Variants in PALM2AKAP2 observed in about 807,000 individuals in gnomAD.
The protein encoded by PALM2AKAP2 is PALM2 and AKAP2 fusion.
Under a neutral mutation model 71.5 loss-of-function variants are expected in PALM2AKAP2, and 37 were observed. The ratio of observed to expected loss-of-function variants is 0.52; its 90% confidence interval spans 0.40 to 0.68. PALM2AKAP2 has a LOEUF of 0.68. Among genes scored for constraint, PALM2AKAP2 ranks in the 30% least tolerant of loss-of-function variants. The probability of loss-of-function intolerance (pLI) is 0.00; values close to 1 mark genes in which losing one functional copy is unlikely to be tolerated. For missense variants in PALM2AKAP2, 1,224 were observed against 1,191.8 expected, an observed-to-expected ratio of 1.03 and a Z score of -0.40; for synonymous variants, 468 against 478.8, an observed-to-expected ratio of 0.98 and a Z score of 0.29.
intron 1 of PALM2AKAP2, among the ~76,000 whole-genome samples, chr9:109,849,600 A>G (rs1828954681): frequency 6.6e-6 from 1 of 152,054 alleles, no homozygotes; most frequent in African/African-American, 2.4e-5. Flanking sequence ...AAAAGAAAAT[A>G]CAAAAATTAG....
At chr9:110,033,455 A>G (rs1231792899) in intron 7 of PALM2AKAP2, among the ~76,000 whole-genome samples, 1 of 152,062 alleles carries the variant, frequency 6.6e-6, no homozygotes, top group Non-Finnish European at 1.5e-5. Flanking sequence ...ACTGTGGGCT[A>G]GGCACTGTGT....
At chr9:110,013,442 G>T (rs1016392671) in intron 6 of PALM2AKAP2, among the ~76,000 whole-genome samples, 2 of 152,228 alleles carry the variant, frequency 1.3e-5, no homozygotes, top group East Asian at 3.8e-4. Context: ...GCTTAAAGCA[G>T]GAGGGGTTAT....
intron 1 of PALM2AKAP2, among the ~76,000 whole-genome samples, chr9:109,662,711 T>C (rs1827417915): frequency 6.6e-6 from 1 of 152,208 alleles, no homozygotes; most frequent in African/African-American, 2.4e-5. Flanking sequence ...GTCCCTCTTT[T>C]TCTATTGATT....
chr9:109,700,802 A>G (rs1828043156), intron 1 of PALM2AKAP2, among the ~76,000 whole-genome samples: 1 of 152,188 alleles, frequency 6.6e-6, no homozygotes, highest in Non-Finnish European at 1.5e-5. Context: ...AGGAAAGCAG[A>G]TGTATTATTT....
intron 2 of PALM2AKAP2, 64 bp downstream of exon 2, chr9:109,867,635 G>A (rs1829489812): frequency 1.3e-6 from 2 of 1,538,918 alleles, no homozygotes; most frequent in Admixed American, 4.2e-5. Flanking sequence ...CCGGAGAGCT[G>A]GGCAGTGCCT....
intron 1 of PALM2AKAP2, among the ~76,000 whole-genome samples, chr9:109,836,422 A>T (rs1828478469): frequency 6.6e-6 from 1 of 152,168 alleles, no homozygotes; most frequent in South Asian, 2.1e-4. Context: ...AACCACAAAG[A>T]TGGGGAAAAA....
intron 7 of PALM2AKAP2, among the ~76,000 whole-genome samples, chr9:110,035,397 TATAC>T (rs1833374334): frequency 6.9e-6 from 1 of 145,794 alleles, no homozygotes; most frequent in Non-Finnish European, 1.5e-5. Context: ...GTATAATACA[TATAC>T]GTATATAATA....
chr9:109,684,029 T>A (rs1409886414), intron 1 of PALM2AKAP2, among the ~76,000 whole-genome samples: 1 of 152,174 alleles, frequency 6.6e-6, no homozygotes, highest in African/African-American at 2.4e-5. Flanking sequence ...TTTAACAATG[T>A]GAGCTGATAT....
chr9:109,992,876 A>C (rs960503400), intron 6 of PALM2AKAP2, among the ~76,000 whole-genome samples: 1 of 151,838 alleles, frequency 6.6e-6, no homozygotes, highest in Admixed American at 6.6e-5. Context: ...GCACGGAAGC[A>C]TAGTCTAGCT....
chr9:109,924,709 C>T (rs1564213426), intron 4 of PALM2AKAP2, among the ~76,000 whole-genome samples: 1 of 152,136 alleles, frequency 6.6e-6, no homozygotes, highest in East Asian at 1.9e-4. Context: ...CATCTCAGGA[C>T]CTCCCTCCAT....
At chr9:109,838,645 A>G (rs967765507) in intron 1 of PALM2AKAP2, among the ~76,000 whole-genome samples, 3 of 152,230 alleles carry the variant, frequency 2.0e-5, no homozygotes, top group Non-Finnish European at 4.4e-5. Context: ...ACTAATAAAG[A>G]AGAAAAGAGA....
intron 3 of PALM2AKAP2, among the ~76,000 whole-genome samples, chr9:109,882,327 A>G (rs367817457): frequency 2.6e-5 from 4 of 152,224 alleles, no homozygotes; most frequent in Admixed American, 1.3e-4. Context: ...ACGTCAGCCT[A>G]TGTCCCTACT....
chr9:109,738,135 A>G (rs1310799771), intron 1 of PALM2AKAP2, among the ~76,000 whole-genome samples: 2 of 152,224 alleles, frequency 1.3e-5, no homozygotes, highest in Non-Finnish European at 2.9e-5. Context: ...ACTTGCTATG[A>G]ATTTCTTTAT....
intron 2 of PALM2AKAP2, among the ~76,000 whole-genome samples, chr9:110,154,561 A>G (rs1160532160): frequency 6.6e-6 from 1 of 152,230 alleles, no homozygotes; most frequent in Non-Finnish European, 1.5e-5. Flanking sequence ...TATAATGTTT[A>G]TAGGGGTCAT....
At chr9:109,919,378 A>G (rs1830771663) in intron 3 of PALM2AKAP2, among the ~76,000 whole-genome samples, 1 of 152,216 alleles carries the variant, frequency 6.6e-6, no homozygotes. Flanking sequence ...TGGTTAGATA[A>G]GTTACAAACT....
chr9:110,026,509 G>T (rs1457996572), intron 7 of PALM2AKAP2, among the ~76,000 whole-genome samples: 1 of 151,682 alleles, frequency 6.6e-6, no homozygotes, highest in Non-Finnish European at 1.5e-5. Flanking sequence ...ACTTTTAAAG[G>T]GTACCCGTCT....
At chr9:109,765,318 T>G (rs1488559750) in intron 1 of PALM2AKAP2, 1 of 152,248 alleles carries the variant, frequency 6.6e-6, no homozygotes, top group Non-Finnish European at 1.5e-5. Context: ...TTTCATGTCT[T>G]AAGTGGAGAC....
chr9:109,750,571 C>CGTGTGTGTGTGTGTGTGTGTGTGT (rs111708702), intron 1 of PALM2AKAP2, among the ~76,000 whole-genome samples: 2 of 147,312 alleles, frequency 1.4e-5, no homozygotes, highest in Non-Finnish European at 3.0e-5. Context: ...TGCCCTAGGA[C>CGTGTGTGTGTGTGTGTGTGTGTGT]GTGTGTGTGT....
chr9:109,891,784 C>A (rs768281136), intron 3 of PALM2AKAP2, among the ~76,000 whole-genome samples: 22 of 152,226 alleles, frequency 1.4e-4, no homozygotes, highest in Non-Finnish European at 2.8e-4. Flanking sequence ...AATCCCCGTG[C>A]CTGGCCATCA....
Sources: gnomAD v4.1 joint callset for allele counts (sites outside exome capture counted in the v4.1 genomes callset) on GRCh38, gnomAD v4.1.1 for gene constraint, MANE v1.5 for transcripts, NCBI Gene and HGNC (gene_info 2026-07-23, HGNC 2026-07-21) for gene names.